The following DNAH9 variants were observed in gnomAD, a reference collection of about 807,000 sequenced individuals.
The protein encoded by DNAH9 is dynein axonemal heavy chain 9, also known as DNAH9 variant protein.
DNAH9 carries 345 observed loss-of-function variants against 471.6 expected under a neutral mutation model. The observed-to-expected ratio is 0.73, with a 90% CI of 0.67 to 0.80. The LOEUF is 0.80. DNAH9 is among the 30% of genes least tolerant of loss of function. The probability of loss-of-function intolerance (pLI) is 0.00; values close to 1 mark genes in which losing one functional copy is unlikely to be tolerated. For synonymous variants in DNAH9, 2,093 were observed against 2,123.6 expected (o/e 0.99, Z 0.40); for missense variants, 5,407 against 5,609.2 (o/e 0.96, Z 1.15).
chr17:11,799,333 T>C (rs1969370304), intron 43 of DNAH9, among the ~76,000 whole-genome samples: 1 of 152,134 alleles, frequency 6.6e-6, no homozygotes, highest in Non-Finnish European at 1.5e-5. Context: ...CCCTACCATG[T>C]CTTTACTTTC....
chr17:11,870,336 C>G (rs571394062), intron 51 of DNAH9, among the ~76,000 whole-genome samples: 3 of 152,208 alleles, frequency 2.0e-5, no homozygotes, highest in South Asian at 4.1e-4. Flanking sequence ...CTCTGCAAAG[C>G]AAGTCAAATG....
chr17:11,922,617 A>G (rs1321532362), intron 61 of DNAH9, among the ~76,000 whole-genome samples: 2 of 152,138 alleles, frequency 1.3e-5, no homozygotes, highest in African/African-American at 4.8e-5. Flanking sequence ...AACACCAGCA[A>G]CCCTTATATA....
intron 57 of DNAH9, among the ~76,000 whole-genome samples, chr17:11,888,270 A>C (rs1430773174): frequency 2.6e-5 from 4 of 152,172 alleles, no homozygotes; most frequent in Admixed American, 2.0e-4. Context: ...GGCGTGAGCC[A>C]CTGCACCCGG....
chr17:11,936,012 A>G (rs2151040408), intron 65 of DNAH9, among the ~76,000 whole-genome samples: 1 of 152,336 alleles, frequency 6.6e-6, no homozygotes, highest in Admixed American at 6.5e-5. Context: ...GGCTGGAGCA[A>G]GTAACAGGCA....
Position 11,689,898 on chromosome 17 carries a change from T to C in DNAH9, c.4076T>C (p.Leu1359Pro), listed in dbSNP as rs750299472. Residue 1359 changes from leucine (L) to proline (P), a missense_variant, in exon 20 of 69, where the codon CTG becomes CCG. Leu to Pro is a moderately conservative substitution (Grantham distance 98). Transcript: ENST00000262442. The part of the protein sequence containing the change: ...EVRAWDAFTG[L>P]ESTVWNTLSS... ...AGGGCCTGGGATGCATTCACAGGCC[T>C]GGAAAGCACTGTGTGGAACACGCTG... The C allele has an allele frequency of 6.2e-7, 1 of 1,608,192 alleles. No individual in the cohort carries two copies. Among genetic ancestry groups the C allele is most frequent in the South Asian group, 1.1e-5 (1 of 90,366 alleles).
intron 58 of DNAH9, among the ~76,000 whole-genome samples, chr17:11,893,092 C>T (rs567560531): frequency 6.8e-6 from 1 of 146,204 alleles, no homozygotes; most frequent in African/African-American, 2.5e-5. Flanking sequence ...CAGGGCCTGC[C>T]TGAGTTCATG....
intron 50 of DNAH9, among the ~76,000 whole-genome samples, chr17:11,856,716 AAAG>A (rs1971640500): frequency 6.6e-6 from 1 of 151,936 alleles, no homozygotes; most frequent in Non-Finnish European, 1.5e-5. Flanking sequence ...AGAAAAAAAA[AAAG>A]AACTTTGGCA....
At chr17:11,703,035 G>T (rs1272217479) in intron 24 of DNAH9, among the ~76,000 whole-genome samples, 5 of 150,170 alleles carry the variant, frequency 3.3e-5, no homozygotes, top group Non-Finnish European at 7.4e-5. Flanking sequence ...GGAGCTTGCA[G>T]TAAGCTGAGA....
At chr17:11,661,055 A>G (rs181101285) in intron 14 of DNAH9, among the ~76,000 whole-genome samples, 19 of 146,686 alleles carry the variant, frequency 1.3e-4, no homozygotes, top group African/African-American at 4.6e-4. Context: ...AGTTCTGTTA[A>G]GTTCTGTTAT....
chr17:11,629,023 C>T (rs1183866275), intron 6 of DNAH9, among the ~76,000 whole-genome samples: 3 of 152,152 alleles, frequency 2.0e-5, no homozygotes, highest in Admixed American at 1.3e-4. Flanking sequence ...AAGCAACCAC[C>T]GCCCCCATGG....
intron 55 of DNAH9, among the ~76,000 whole-genome samples, chr17:11,881,748 A>AAT (rs1247794517): frequency 6.6e-6 from 1 of 152,040 alleles, no homozygotes; most frequent in Non-Finnish European, 1.5e-5. Flanking sequence ...CTCTACTAAA[A>AAT]AATAAATATT....
intron 43 of DNAH9, among the ~76,000 whole-genome samples, chr17:11,800,388 C>G (rs1036392879): frequency 6.6e-6 from 1 of 151,894 alleles, no homozygotes; most frequent in Non-Finnish European, 1.5e-5. Context: ...CCTTCTCCCT[C>G]TCCTATTTTC....
At chr17:11,933,582 GTTGGTCAGGCTGGTC>G (rs1974592106) in intron 64 of DNAH9, among the ~76,000 whole-genome samples, 1 of 152,016 alleles carries the variant, frequency 6.6e-6, no homozygotes, top group African/African-American at 2.4e-5. Context: ...GTTTCTCCAT[GTTGGTCAGGCTGGTC>G]TTGAACTCCC....
intron 62 of DNAH9, among the ~76,000 whole-genome samples, chr17:11,928,623 A>G (rs1974404767): frequency 6.6e-6 from 1 of 152,240 alleles, no homozygotes. Context: ...TGGGAGGAGG[A>G]GACAGGCTCA....
At position 11,669,580 on chromosome 17, in the gene DNAH9, G is replaced by C. The variant is rs553382010; in HGVS notation, c.3139G>C (p.Gly1047Arg). Residue 1047 changes from glycine to arginine, a missense_variant, in exon 17 of 69, where the codon GGC becomes CGC. Gly to Arg is a moderately radical substitution (Grantham distance 125). Transcript: ENST00000262442. Reference protein sequence around the residue: ...PEEIEDHVEDGIPENPPLLSQ... With the variant: ...PEEIEDHVEDRIPENPPLLSQ... Reference sequence around the variant, plus strand: ...AGAAATTGAAGACCATGTGGAAGATGGCATCCCAGAGAACCCTCCCCTCCT... The same window carrying C: ...AGAAATTGAAGACCATGTGGAAGATCGCATCCCAGAGAACCCTCCCCTCCT... 12 of 1,614,142 alleles carry C rather than the reference G, an allele frequency of 7.4e-6. No homozygotes were observed. In the African/African-American group the frequency reaches 1.6e-4, roughly 22 times the overall value.
intron 61 of DNAH9, among the ~76,000 whole-genome samples, chr17:11,918,693 T>G (rs1974035914): frequency 6.6e-6 from 1 of 151,812 alleles, no homozygotes; most frequent in South Asian, 2.1e-4. Flanking sequence ...AGGTTAAAGA[T>G]ACAAAAAGAG....
chr17:11,620,584 G>A (rs1329324895), intron 6 of DNAH9, among the ~76,000 whole-genome samples: 1 of 151,984 alleles, frequency 6.6e-6, no homozygotes. Context: ...CATAATAGTG[G>A]TTATAGTAGA....
chr17:11,881,062 G>A, intron 54 of DNAH9, 147 bp from the exon 55 acceptor site: 1 of 750,212 alleles, frequency 1.3e-6, no homozygotes, highest in Non-Finnish European at 2.2e-6. Flanking sequence ...CCCAACATTA[G>A]TGCAAAAAAG....
intron 43 of DNAH9, among the ~76,000 whole-genome samples, chr17:11,801,132 A>G (rs1203375824): frequency 2.0e-5 from 3 of 152,198 alleles, no homozygotes; most frequent in African/African-American, 7.2e-5. Context: ...TTGTCTCTAT[A>G]TTATAAATGA....
Sources: gnomAD v4.1 joint callset for allele counts (sites outside exome capture counted in the v4.1 genomes callset) on GRCh38, gnomAD v4.1.1 for gene constraint, MANE v1.5 for transcripts, NCBI Gene and HGNC (gene_info 2026-07-23, HGNC 2026-07-21) for gene names.